The following ATP6V1E1 variants were observed in gnomAD, a reference collection of about 807,000 sequenced individuals.
ATP6V1E1 encodes the protein ATPase H+ transporting V1 subunit E1.
ATP6V1E1 carries 21 observed loss-of-function variants against 35.2 expected under a neutral mutation model. The observed-to-expected ratio is 0.60, with a 90% CI of 0.42 to 0.86. The LOEUF (loss-of-function observed/expected upper bound fraction) is 0.86. ATP6V1E1 is among the 40% of genes least tolerant of loss of function. The pLI is 0.00. For missense variants in ATP6V1E1, 183 were observed against 272.6 expected, an observed-to-expected ratio of 0.67 and a Z score of 2.32; for synonymous variants, 83 against 87.8, an observed-to-expected ratio of 0.95 and a Z score of 0.30.
intron 4 of ATP6V1E1, among the ~76,000 whole-genome samples, chr22:17,605,569 G>T (rs1234449958): frequency 6.6e-6 from 1 of 151,984 alleles, no homozygotes; most frequent in Admixed American, 6.6e-5. Context: ...AAGTTTTGCG[G>T]TTTGGGGAAA....
At chr22:17,600,240 G>A (rs1288241202) in intron 5 of ATP6V1E1, 145 bp from the exon 6 acceptor site, 2 of 657,830 alleles carry the variant, frequency 3.0e-6, no homozygotes, top group East Asian at 5.5e-5. Context: ...TTCGAGACCA[G>A]CCTAGGCAAC....
chr22:17,592,790 C>T (rs989888057), intron 8 of ATP6V1E1, 54 bp from the exon 9 acceptor site: 128 of 1,067,622 alleles, frequency 1.2e-4, no homozygotes, highest in Admixed American at 6.2e-4. Flanking sequence ...AGTTGTAGAG[C>T]GCTGCACATC....
intron 1 of ATP6V1E1, among the ~76,000 whole-genome samples, chr22:17,625,100 T>C (rs2057897185): frequency 6.6e-6 from 1 of 152,182 alleles, no homozygotes; most frequent in African/African-American, 2.4e-5. Flanking sequence ...TGTAAGAATA[T>C]TGTATGATTT....
intron 2 of ATP6V1E1, chr22:17,619,048 C>T (rs1042835340): frequency 2.2e-6 from 1 of 454,528 alleles, no homozygotes; most frequent in Non-Finnish European, 4.4e-6. Flanking sequence ...AATCCCAGCA[C>T]TTGGGGAGGA....
chr22:17,621,076 T>A (rs1002013002), intron 1 of ATP6V1E1, among the ~76,000 whole-genome samples: 6 of 151,742 alleles, frequency 4.0e-5, no homozygotes, highest in Non-Finnish European at 8.8e-5. Flanking sequence ...AAAAAAATAG[T>A]TCTTTACCTT....
At chr22:17,598,045 G>A in intron 7 of ATP6V1E1, 149 bp downstream of exon 7, 1 of 651,006 alleles carries the variant, frequency 1.5e-6, no homozygotes, top group East Asian at 2.6e-5. Context: ...GAGAACAACA[G>A]GAACGGCTGC....
At chr22:17,620,483 T>C (rs536324327) in intron 1 of ATP6V1E1, among the ~76,000 whole-genome samples, 1 of 152,074 alleles carries the variant, frequency 6.6e-6, no homozygotes, top group South Asian at 2.1e-4. Context: ...TCCCTTTGCG[T>C]CCGTGACTTC....
chr22:17,598,476 G>C (rs2057744631), intron 6 of ATP6V1E1, among the ~76,000 whole-genome samples, 188 bp from the exon 7 acceptor site: 1 of 152,202 alleles, frequency 6.6e-6, no homozygotes, highest in Admixed American at 6.5e-5. Flanking sequence ...GGAGGGAAGA[G>C]ATGCGAATGG....
At chr22:17,601,936 G>A (rs2057764129) in intron 4 of ATP6V1E1, among the ~76,000 whole-genome samples, 1 of 151,586 alleles carries the variant, frequency 6.6e-6, no homozygotes, top group Non-Finnish European at 1.5e-5. Flanking sequence ...ACAGGGTCTT[G>A]CTCTGTTGCC....
chr22:17,620,004 C>G (rs909107875), intron 1 of ATP6V1E1, among the ~76,000 whole-genome samples: 2 of 152,146 alleles, frequency 1.3e-5, no homozygotes, highest in African/African-American at 4.8e-5. Context: ...TACTACCTTT[C>G]TCTCAACACT....
intron 4 of ATP6V1E1, among the ~76,000 whole-genome samples, chr22:17,609,222 G>A (rs1180022405): frequency 1.3e-5 from 2 of 151,700 alleles, no homozygotes; most frequent in East Asian, 3.9e-4. Flanking sequence ...GTGCAATGAC[G>A]GGATCTCAGC....
rs1362465391 is a variant in ATP6V1E1 at position 17,602,533 on chromosome 22, C to G, written c.277-1352G>C. ...GGGACTACAGGCGCACGCCACCACA[C>G]CCAGTTAATTTTTTTGTATTTTTAG... On this transcript the variant is annotated intron_variant, in intron 4 of 8. Transcript: ENST00000253413. Among the ~76,000 whole-genome samples, 6 of 152,106 alleles carry G rather than the reference C, an allele frequency of 3.9e-5. No individual in the cohort carries two copies. In the East Asian group the frequency reaches 9.7e-4, roughly 25 times the overall value.
At chr22:17,611,013 G>A (rs2057812841) in intron 4 of ATP6V1E1, among the ~76,000 whole-genome samples, 1 of 152,134 alleles carries the variant, frequency 6.6e-6, no homozygotes, top group Non-Finnish European at 1.5e-5. Flanking sequence ...AAAACCGAGG[G>A]TCAGAAACAG....
rs2057802809 is a variant in ATP6V1E1 at position 17,609,338 on chromosome 22, T to G, written c.276+3474A>C. On this transcript the variant is annotated intron_variant, in intron 4 of 8. Coordinates refer to ENST00000253413, the MANE Select transcript of ATP6V1E1 (RefSeq NM_001696.4). ...ACCACACCCAGCTAATTTTTTTGTA[T>G]TTTTAGTAGAGACAGGGCACCACAT... Among the ~76,000 whole-genome samples the G allele has an allele frequency of 2.0e-5, 3 of 150,544 alleles. No individual in the cohort carries two copies. The South Asian group carries it at 6.3e-4, about 32-fold the overall frequency.
intron 1 of ATP6V1E1, among the ~76,000 whole-genome samples, chr22:17,625,462 G>C (rs1013031852): frequency 8.0e-6 from 1 of 125,246 alleles, no homozygotes; most frequent in South Asian, 2.3e-4. Flanking sequence ...TCTCCATGTT[G>C]GTCAGGCTGG....
chr22:17,596,906 C>A (rs1355558735), intron 7 of ATP6V1E1, among the ~76,000 whole-genome samples: 1 of 152,030 alleles, frequency 6.6e-6, no homozygotes, highest in Admixed American at 6.5e-5. Flanking sequence ...GGACTCAAAT[C>A]TAGGTCTTAC....
chr22:17,592,644 AG>A lies in ATP6V1E1; in HGVS notation c.*29del, dbSNP rs1367874494. The A allele has an allele frequency of 6.2e-7, 1 of 1,604,776 alleles. No homozygotes were observed. The highest frequency in any genetic ancestry group is 8.5e-7 in the Non-Finnish European group (1 of 1,171,668). On this transcript the variant is annotated 3_prime_UTR_variant, in exon 9 of 9. Transcript: ENST00000253413. ...AGAAGCTTCCACATCACAGCAGGAGAGCTGACGACGAGCTCCACCTCCTGAA... is the reference window on the plus strand; with the variant it reads ...AGAAGCTTCCACATCACAGCAGGAGACTGACGACGAGCTCCACCTCCTGAA...
At chr22:17,626,307 CAAAAAA>C (rs928655426) in intron 1 of ATP6V1E1, among the ~76,000 whole-genome samples, 1 of 61,984 alleles carries the variant, frequency 1.6e-5, no homozygotes, top group African/African-American at 5.1e-5. Context: ...GACTTCGTCT[CAAAAAA>C]AAAAAAAAAA....
At chr22:17,626,307 C>CAAAAAAAAAAAAA (rs928655426) in intron 1 of ATP6V1E1, among the ~76,000 whole-genome samples, 1 of 61,974 alleles carries the variant, frequency 1.6e-5, no homozygotes, top group African/African-American at 5.1e-5. Flanking sequence ...GACTTCGTCT[C>CAAAAAAAAAAAAA]AAAAAAAAAA....
Sources: gnomAD v4.1 joint callset for allele counts (sites outside exome capture counted in the v4.1 genomes callset) on GRCh38, gnomAD v4.1.1 for gene constraint, MANE v1.5 for transcripts, NCBI Gene and HGNC (gene_info 2026-07-23, HGNC 2026-07-21) for gene names.